Variants in GABRB2 observed in about 807,000 individuals in gnomAD.
GABRB2 encodes gamma-aminobutyric acid type A receptor subunit beta2, also known as gamma-aminobutyric acid receptor subunit beta-2.
In GABRB2, 16 loss-of-function variants were observed where a neutral mutation model predicts 54.7. That is an observed-to-expected ratio of 0.29 (90% CI 0.20 to 0.44). The LOEUF is 0.44. Ranked by LOEUF, GABRB2 falls within the 20% of genes least tolerant of loss-of-function variation. The pLI, the probability that GABRB2 is intolerant of heterozygous loss-of-function variation, is 1.00. For synonymous variants in GABRB2, 244 were observed against 233.8 expected, an observed-to-expected ratio of 1.04 and a Z score of -0.40; for missense variants, 355 against 644.0, an observed-to-expected ratio of 0.55 and a Z score of 4.86.
chr5:161,326,573 C>T lies in GABRB2; in HGVS notation c.1078-92G>A, dbSNP rs955037164. 9 of 1,378,392 alleles carry T rather than the reference C, an allele frequency of 6.5e-6. No homozygotes were observed. The African/African-American group carries it at 7.4e-5, about 11-fold the overall frequency. The allele number at this position is 1,378,392 out of a possible 1,614,324, so 85.4% of individuals were successfully genotyped here. ...AAAGTAAATTGGATATAGATAAATGCTACTGGCCTTTAGAAATCCTTTAGA... is the reference window on the plus strand; with the variant it reads ...AAAGTAAATTGGATATAGATAAATGTTACTGGCCTTTAGAAATCCTTTAGA... On this transcript the variant is annotated intron_variant, in intron 8 of 9. Coordinates refer to ENST00000393959, the MANE Select transcript of GABRB2 (RefSeq NM_001371727.1).
intron 4 of GABRB2, among the ~76,000 whole-genome samples, chr5:161,443,829 C>A (rs757064156): frequency 2.2e-4 from 34 of 152,058 alleles, no homozygotes; most frequent in Non-Finnish European, 4.1e-4. Context: ...GGGTAATGAC[C>A]AATGAGTAGA....
intron 3 of GABRB2, among the ~76,000 whole-genome samples, chr5:161,488,228 GTT>G (rs72084883): frequency 0.21 from 30,185 of 141,034 alleles, 3,431 homozygotes; most frequent in Non-Finnish European, 0.28. Context: ...TTTGCTTTTA[GTT>G]TTTTTTTTTT....
At chr5:161,395,369 G>T (rs1048367527) in intron 5 of GABRB2, among the ~76,000 whole-genome samples, 1 of 152,070 alleles carries the variant, frequency 6.6e-6, no homozygotes, top group Non-Finnish European at 1.5e-5. Flanking sequence ...ACATGATTGG[G>T]AATGGCTATT....
At chr5:161,479,393 T>C (rs1023313937) in intron 3 of GABRB2, among the ~76,000 whole-genome samples, 1 of 151,862 alleles carries the variant, frequency 6.6e-6, no homozygotes, top group Non-Finnish European at 1.5e-5. Context: ...ACTTCTTACA[T>C]TGTGCAACCT....
At chr5:161,313,749 G>A (rs748711307) in intron 9 of GABRB2, among the ~76,000 whole-genome samples, 20 of 152,180 alleles carry the variant, frequency 1.3e-4, no homozygotes, top group Non-Finnish European at 2.5e-4. Context: ...GGGTGGGACT[G>A]TAAGCCCCAT....
At position 161,371,035 on chromosome 5, in the gene GABRB2, C is replaced by T. The variant is rs571113472; in HGVS notation, c.542-34266G>A. ...GGTTAGAATAATTCCTACACTTTTTCTCACTTCTTCCTCCTCTTAGCTCTG... is the reference window on the plus strand; with the variant it reads ...GGTTAGAATAATTCCTACACTTTTTTTCACTTCTTCCTCCTCTTAGCTCTG... On this transcript the variant is annotated intron_variant, in intron 5 of 9. Transcript: ENST00000393959. 5.3e-5 allele frequency among the ~76,000 whole-genome samples: 8 copies of T among 152,230 alleles called. No homozygotes were observed. The South Asian group carries it at 1.7e-3, about 32-fold the overall frequency.
intron 9 of GABRB2, among the ~76,000 whole-genome samples, chr5:161,296,984 C>T (rs1327922064): frequency 6.6e-6 from 1 of 152,214 alleles, no homozygotes; most frequent in Non-Finnish European, 1.5e-5. Flanking sequence ...ATTATTATGA[C>T]ATGCCATAGA....
intron 3 of GABRB2, among the ~76,000 whole-genome samples, chr5:161,485,441 T>C (rs1312904076): frequency 6.6e-6 from 1 of 151,956 alleles, no homozygotes; most frequent in Non-Finnish European, 1.5e-5. Context: ...GGTCACTACC[T>C]TTGCTTTCAT....
chr5:161,491,779 T>C (rs1759097789), intron 3 of GABRB2, among the ~76,000 whole-genome samples: 1 of 151,696 alleles, frequency 6.6e-6, no homozygotes. Context: ...TAGAGCAAAT[T>C]AAGTAAAATG....
intron 3 of GABRB2, among the ~76,000 whole-genome samples, chr5:161,477,025 T>C (rs917662288): frequency 6.6e-6 from 1 of 151,852 alleles, no homozygotes; most frequent in African/African-American, 2.4e-5. Flanking sequence ...TTGTAAATAA[T>C]GTATCTGAGA....
intron 3 of GABRB2, among the ~76,000 whole-genome samples, chr5:161,515,669 AG>A: frequency 6.6e-6 from 1 of 152,218 alleles, no homozygotes; most frequent in East Asian, 1.9e-4. Flanking sequence ...GAACTCATAA[AG>A]GAATTTATCT....
chr5:161,548,092 C>G (rs1761046106), upstream of GABRB2: 1 of 152,886 alleles, frequency 6.5e-6, no homozygotes. Context: ...GCGGTCTCCG[C>G]GCCACCTCGT....
At chr5:161,458,006 C>T (rs1298655981) in intron 4 of GABRB2, among the ~76,000 whole-genome samples, 8 of 152,148 alleles carry the variant, frequency 5.3e-5, no homozygotes. Context: ...ATGCATCCAG[C>T]ACTGGGTCTG....
intron 5 of GABRB2, among the ~76,000 whole-genome samples, chr5:161,383,060 T>C (rs1175393929): frequency 6.6e-6 from 1 of 152,220 alleles, no homozygotes; most frequent in African/African-American, 2.4e-5. Context: ...TTTTTCTTAA[T>C]TTTAAAATAC....
At chr5:161,357,359 A>G (rs1754664022) in intron 5 of GABRB2, among the ~76,000 whole-genome samples, 1 of 152,170 alleles carries the variant, frequency 6.6e-6, no homozygotes, top group Admixed American at 6.6e-5. Flanking sequence ...TTGGAGAGGC[A>G]ATGAGAAATC....
chr5:161,398,844 C>T (rs943361951), intron 5 of GABRB2, among the ~76,000 whole-genome samples: 1 of 152,160 alleles, frequency 6.6e-6, no homozygotes, highest in African/African-American at 2.4e-5. Context: ...CGCGTGCCAC[C>T]ATGTCCAGCT....
At chr5:161,474,713 C>G (rs910984509) in intron 3 of GABRB2, among the ~76,000 whole-genome samples, 1 of 151,932 alleles carries the variant, frequency 6.6e-6, no homozygotes, top group Non-Finnish European at 1.5e-5. Flanking sequence ...AAACTCATAA[C>G]TAGAAGGAAA....
chr5:161,383,498 C>A (rs569594701), intron 5 of GABRB2, among the ~76,000 whole-genome samples: 7 of 152,190 alleles, frequency 4.6e-5, no homozygotes, highest in Non-Finnish European at 8.8e-5. Context: ...TTACATTTAT[C>A]TGTTTCTGTG....
chr5:161,506,599 C>A (rs911860906), intron 3 of GABRB2, among the ~76,000 whole-genome samples: 1 of 152,054 alleles, frequency 6.6e-6, no homozygotes, highest in East Asian at 1.9e-4. Flanking sequence ...TATTGTCATG[C>A]TATAATGACA....
Sources: allele counts gnomAD v4.1 joint callset (sites outside exome capture counted in the v4.1 genomes callset), GRCh38; gene constraint gnomAD v4.1.1; transcripts MANE v1.5; gene names NCBI Gene and HGNC (gene_info 2026-07-23, HGNC 2026-07-21).